Variants in MAP4K4 observed in about 807,000 individuals in gnomAD.
MAP4K4 encodes the protein mitogen-activated protein kinase kinase kinase kinase 4.
Under a neutral mutation model 189.6 loss-of-function variants are expected in MAP4K4, and 38 were observed. The observed-to-expected ratio is 0.20, with a 90% confidence interval of 0.15 to 0.26. The LOEUF (loss-of-function observed/expected upper bound fraction) is 0.26, where lower values mean the gene tolerates loss of function less well. Ranked by LOEUF, MAP4K4 falls within the 10% of genes least tolerant of loss-of-function variation. The pLI is 1.00. For missense variants in MAP4K4, 1,054 were observed against 1,726.9 expected, an observed-to-expected ratio of 0.61 and a Z score of 6.91; for synonymous variants, 610 against 624.3, an observed-to-expected ratio of 0.98 and a Z score of 0.34.
intron 32 of MAP4K4, among the ~76,000 whole-genome samples, chr2:101,889,575 G>C (rs931616585): frequency 6.6e-6 from 1 of 152,144 alleles, no homozygotes; most frequent in African/African-American, 2.4e-5. Context: ...ATGGCCAGGG[G>C]CGTTGACCCA....
chr2:101,839,233 G>A (rs900125061), intron 9 of MAP4K4, among the ~76,000 whole-genome samples: 2 of 152,190 alleles, frequency 1.3e-5, no homozygotes, highest in Non-Finnish European at 2.9e-5. Context: ...GCAAATGTAG[G>A]TGACAGATTA....
exon 22 of MAP4K4, chr2:101,869,745 G>A (rs759712021): frequency 6.3e-7 from 1 of 1,591,038 alleles, no homozygotes; most frequent in African/African-American, 1.3e-5. Context: ...CGACGATGTG[G>A]AGCAGGAAGG....
intron 16 of MAP4K4, chr2:101,861,907 A>G (rs983320155): frequency 2.0e-5 from 3 of 151,296 alleles, no homozygotes; most frequent in Admixed American, 1.3e-4. Context: ...GTGGCAGGAA[A>G]CTGTGGGATC....
chr2:101,723,696 T>C (rs7592991), intron 2 of MAP4K4, among the ~76,000 whole-genome samples: 16,104 of 152,214 alleles, frequency 0.11, 2,450 homozygotes, highest in African/African-American at 0.34. Context: ...TTAAGTACTT[T>C]TTGTTGCTAG....
chr2:101,826,460 A>G (rs1489707522), intron 5 of MAP4K4, among the ~76,000 whole-genome samples: 1 of 152,172 alleles, frequency 6.6e-6, no homozygotes, highest in East Asian at 1.9e-4. Flanking sequence ...ATCTTTTTAT[A>G]AACACTTGCA....
intron 2 of MAP4K4, among the ~76,000 whole-genome samples, chr2:101,763,832 C>T (rs947174001): frequency 1.3e-5 from 2 of 152,102 alleles, no homozygotes; most frequent in Non-Finnish European, 2.9e-5. Flanking sequence ...ATGCCTTTAA[C>T]TTAAAAAGCT....
chr2:101,815,610 A>G (rs2095666113), intron 3 of MAP4K4, among the ~76,000 whole-genome samples: 1 of 151,810 alleles, frequency 6.6e-6, no homozygotes, highest in Non-Finnish European at 1.5e-5. Context: ...ATTTTACCTT[A>G]TTGGGTACTG....
At chr2:101,836,125 C>T (rs984986604) in intron 9 of MAP4K4, 147 bp downstream of exon 9, 4 of 598,614 alleles carry the variant, frequency 6.7e-6, no homozygotes, top group African/African-American at 3.7e-5. Context: ...TTAAAAGATG[C>T]GTTGATTTTT....
At chr2:101,841,075 A>G (rs1252749299) in intron 10 of MAP4K4, among the ~76,000 whole-genome samples, 1 of 152,210 alleles carries the variant, frequency 6.6e-6, no homozygotes, top group African/African-American at 2.4e-5. Flanking sequence ...ATAATAGCTA[A>G]TGTTCATGGA....
chr2:101,772,919 A>G (rs2082190455), intron 2 of MAP4K4, among the ~76,000 whole-genome samples: 1 of 152,138 alleles, frequency 6.6e-6, no homozygotes, highest in Non-Finnish European at 1.5e-5. Flanking sequence ...CATGCTGCTC[A>G]CTTGCTTTTA....
rs2094480456 is a variant in MAP4K4, at chr2:101,802,711, A to G, written c.180+11935A>G. On this transcript the variant is annotated intron_variant, in intron 3 of 32. Transcript: ENST00000324219. ...CTGGCATATTTATTCTACTTAATGT[A>G]TACCAGTGCCTCCACCATGCCACTA... Among the ~76,000 whole-genome samples the G allele has an allele frequency of 2.0e-5, 3 of 152,268 alleles. 1 individual carries two copies. In the Middle Eastern group the frequency reaches 0.01, roughly 518 times the overall value.
At chr2:101,720,597 C>G (rs1172060289) in intron 2 of MAP4K4, among the ~76,000 whole-genome samples, 1 of 152,134 alleles carries the variant, frequency 6.6e-6, no homozygotes, top group Non-Finnish European at 1.5e-5. Flanking sequence ...ATATTTTTGC[C>G]TCAGATGATT....
At chr2:101,836,553 A>G (rs751293654) in intron 9 of MAP4K4, among the ~76,000 whole-genome samples, 2 of 152,146 alleles carry the variant, frequency 1.3e-5, no homozygotes, top group South Asian at 2.1e-4. Flanking sequence ...ACGCCATTGC[A>G]CTCCAGCCTG....
chr2:101,778,417 C>T (rs2085456054), intron 2 of MAP4K4, among the ~76,000 whole-genome samples: 1 of 151,946 alleles, frequency 6.6e-6, no homozygotes, highest in South Asian at 2.1e-4. Context: ...ACTGATAGCC[C>T]AGGCTTTACA....
chr2:101,707,385 G>A (rs997214659), intron 2 of MAP4K4, among the ~76,000 whole-genome samples: 2 of 151,634 alleles, frequency 1.3e-5, no homozygotes, highest in African/African-American at 2.4e-5. Context: ...ATATTTGTAC[G>A]TTTAGTAGAA....
In MAP4K4 at chr2:101,722,158, A is replaced by G. The variant is rs543723592; in HGVS notation, c.123+23620A>G. Among the ~76,000 whole-genome samples, 7 of 152,340 alleles carry G rather than the reference A, an allele frequency of 4.6e-5. No homozygotes were observed. In the South Asian group the frequency reaches 1.4e-3, roughly 32 times the overall value. ...GCTTTAAAGTCTCACTATAAAGCAG[A>G]GAGTCCTAACCATGTCTGTAATTTG... is the stretch of plus-strand genomic sequence containing the variant. On this transcript the variant is annotated intron_variant, in intron 2 of 32. Transcript: ENST00000324219.
chr2:101,882,929 C>T (rs375920236), intron 28 of MAP4K4, among the ~76,000 whole-genome samples: 15 of 152,196 alleles, frequency 9.9e-5, no homozygotes, highest in South Asian at 4.1e-4. Context: ...CAACTCACTC[C>T]GCCCTCAGTC....
At chr2:101,819,614 A>G (rs1217558535) in intron 3 of MAP4K4, among the ~76,000 whole-genome samples, 1 of 152,224 alleles carries the variant, frequency 6.6e-6, no homozygotes, top group Non-Finnish European at 1.5e-5. Context: ...ATTTCCTTGC[A>G]ATATATTTTG....
At chr2:101,888,385 G>C (rs1020415024) in intron 31 of MAP4K4, among the ~76,000 whole-genome samples, 13 of 152,130 alleles carry the variant, frequency 8.5e-5, no homozygotes, top group African/African-American at 1.2e-4. Flanking sequence ...AATAAAGACC[G>C]ATATTTGACA....
Sources: gnomAD v4.1 joint callset for allele counts (sites outside exome capture counted in the v4.1 genomes callset) on GRCh38, gnomAD v4.1.1 for gene constraint, MANE v1.5 for transcripts, NCBI Gene and HGNC (gene_info 2026-07-23, HGNC 2026-07-21) for gene names.